ARHGAP44: variants seen among roughly 807,000 people sequenced by gnomAD.
ARHGAP44 encodes rho GTPase-activating protein 44.
ARHGAP44 carries 43 observed loss-of-function variants against 106.8 expected under a neutral mutation model. That is an observed-to-expected ratio of 0.40 (90% CI 0.32 to 0.52). The LOEUF (loss-of-function observed/expected upper bound fraction) is 0.52, where lower values mean the gene tolerates loss of function less well. Ranked by LOEUF, ARHGAP44 falls within the 20% of genes least tolerant of loss-of-function variation. The pLI is 0.48. For synonymous variants in ARHGAP44, 439 were observed against 410.3 expected, an observed-to-expected ratio of 1.07 and a Z score of -0.85; for missense variants, 866 against 1,050.5, an observed-to-expected ratio of 0.82 and a Z score of 2.43.
Position 12,974,080 on chromosome 17 carries a change from C to A in ARHGAP44, c.1542-9C>A. 1 of 1,557,690 alleles carries A rather than the reference C, an allele frequency of 6.4e-7. No individual in the cohort carries two copies. Among genetic ancestry groups the A allele is most frequent in the Admixed American group, 1.9e-5 (1 of 51,814 alleles). ...CGTGGGTAAGCGGTGTCTTTGTGTC[C>A]CTCGCCAGCATGGGTGTGAGGGTCA... On this transcript the variant is annotated splice_polypyrimidine_tract_variant and intron_variant, in intron 17 of 20. Transcript: ENST00000379672.
chr17:12,872,975 G>T (rs888374893), intron 1 of ARHGAP44, among the ~76,000 whole-genome samples: 4 of 152,110 alleles, frequency 2.6e-5, no homozygotes, highest in Admixed American at 1.3e-4. Flanking sequence ...CGACATTAGC[G>T]TAACCATGCC....
chr17:12,961,599 T>C (rs2039262209), intron 16 of ARHGAP44, among the ~76,000 whole-genome samples: 2 of 152,096 alleles, frequency 1.3e-5, no homozygotes, highest in Non-Finnish European at 2.9e-5. Context: ...CCCGGTATGA[T>C]GGCGCATGCC....
chr17:12,869,061 C>A (rs1256838637), intron 1 of ARHGAP44, among the ~76,000 whole-genome samples: 1 of 152,046 alleles, frequency 6.6e-6, no homozygotes, highest in Non-Finnish European at 1.5e-5. Context: ...AAAGTAAAGA[C>A]ATTTGAGGTT....
intron 1 of ARHGAP44, among the ~76,000 whole-genome samples, chr17:12,798,087 C>CT (rs1201383179): frequency 2.6e-5 from 4 of 152,144 alleles, no homozygotes; most frequent in South Asian, 2.1e-4. Flanking sequence ...TTTTTAAATA[C>CT]TTTTTTTAAA....
At chr17:12,968,447 T>C (rs2039444276) in intron 16 of ARHGAP44, among the ~76,000 whole-genome samples, 2 of 152,176 alleles carry the variant, frequency 1.3e-5, no homozygotes, top group Admixed American at 1.3e-4. Context: ...GTATTTTGTT[T>C]TCCAAAGAAC....
At chr17:12,816,312 A>G (rs1046336162) in intron 1 of ARHGAP44, among the ~76,000 whole-genome samples, 5 of 152,174 alleles carry the variant, frequency 3.3e-5, no homozygotes, top group East Asian at 1.9e-4. Flanking sequence ...GACCTTCTCC[A>G]GTTGAGAAGG....
intron 1 of ARHGAP44, among the ~76,000 whole-genome samples, chr17:12,799,084 G>C (rs2034010854): frequency 6.6e-6 from 1 of 152,118 alleles, no homozygotes; most frequent in Non-Finnish European, 1.5e-5. Flanking sequence ...CCCTACCCCG[G>C]TCAGTAATTA....
intron 1 of ARHGAP44, among the ~76,000 whole-genome samples, chr17:12,811,492 G>A (rs1407483723): frequency 1.3e-5 from 2 of 152,118 alleles, no homozygotes; most frequent in African/African-American, 4.8e-5. Context: ...GTGTGGAGGT[G>A]GAAGAGGAGG....
At chr17:12,966,573 C>T (rs1277654268) in intron 16 of ARHGAP44, among the ~76,000 whole-genome samples, 2 of 152,170 alleles carry the variant, frequency 1.3e-5, no homozygotes, top group African/African-American at 4.8e-5. Context: ...TTTTCACTCA[C>T]CTTTGCTGTC....
At chr17:12,955,117 C>T (rs1324060209) in intron 13 of ARHGAP44, among the ~76,000 whole-genome samples, 1 of 152,172 alleles carries the variant, frequency 6.6e-6, no homozygotes, top group Non-Finnish European at 1.5e-5. Flanking sequence ...TAATATGTGG[C>T]CTGTTGTGTC....
At chr17:12,807,431 G>T (rs532276344) in intron 1 of ARHGAP44, among the ~76,000 whole-genome samples, 9 of 152,160 alleles carry the variant, frequency 5.9e-5, no homozygotes, top group African/African-American at 2.2e-4. Context: ...ATTTATAAAG[G>T]AAAGAGATTT....
At chr17:12,966,932 C>G (rs1254823598) in intron 16 of ARHGAP44, among the ~76,000 whole-genome samples, 1 of 152,180 alleles carries the variant, frequency 6.6e-6, no homozygotes, top group African/African-American at 2.4e-5. Flanking sequence ...GAATGGTCCA[C>G]AGCAAAATTC....
At chr17:12,952,722 CTTTTTTTTTTTTTTTTT>C (rs201371135) in intron 13 of ARHGAP44, 141 bp downstream of exon 13, 437 of 306,998 alleles carry the variant, frequency 1.4e-3, no homozygotes, top group South Asian at 2.3e-3. Context: ...TGCATGGTCT[CTTTTTTTTTTTTTTTTT>C]TTTTTTTTTT....
In ARHGAP44 at chr17:12,990,577, T is replaced by C. The variant is rs189651794; in HGVS notation, c.*406T>C. ...TGCTACCTTTTCCTTGGACGGCTCA[T>C]GTCAGGTCTTGCAGGATCAGTTTAA... On this transcript the variant is annotated 3_prime_UTR_variant, in exon 21 of 21. Coordinates refer to ENST00000379672, the MANE Select transcript of ARHGAP44 (RefSeq NM_014859.6). 18 of 175,552 alleles carry C rather than the reference T, an allele frequency of 1.0e-4. No individual in the cohort carries two copies. Among genetic ancestry groups the C allele is most frequent in the Non-Finnish European group, 2.0e-4 (16 of 79,968 alleles). The allele number at this position is 175,552 out of a possible 1,614,324, so 10.9% of individuals were successfully genotyped here.
chr17:12,870,814 A>G (rs962574815), intron 1 of ARHGAP44, among the ~76,000 whole-genome samples: 4 of 152,106 alleles, frequency 2.6e-5, no homozygotes, highest in African/African-American at 7.2e-5. Context: ...TAAAATTGTT[A>G]TATTACCTTT....
intron 1 of ARHGAP44, among the ~76,000 whole-genome samples, chr17:12,870,384 G>A (rs2036375376): frequency 6.6e-6 from 1 of 152,050 alleles, no homozygotes. Flanking sequence ...TACATTTTTA[G>A]CCTTTTAATA....
chr17:12,847,510 CTCTT>C (rs2035602450), intron 1 of ARHGAP44, among the ~76,000 whole-genome samples: 1 of 133,602 alleles, frequency 7.5e-6, no homozygotes, highest in African/African-American at 3.3e-5. Context: ...GCTACCATCA[CTCTT>C]TTTTTTTTTT....
At position 12,916,495 on chromosome 17, in the gene ARHGAP44, T is replaced by C. The variant is rs1006749516; in HGVS notation, c.387+484T>C. On this transcript the variant is annotated intron_variant, in intron 5 of 20. Coordinates refer to ENST00000379672, the MANE Select transcript of ARHGAP44 (RefSeq NM_014859.6). ...GCCTCCCAGGTTCAAGTGATTCTCCTGTCTCAAGCCTCCCAAGTAGCTGGG... is the reference window on the plus strand; with the variant it reads ...GCCTCCCAGGTTCAAGTGATTCTCCCGTCTCAAGCCTCCCAAGTAGCTGGG... Among the ~76,000 whole-genome samples the C allele has an allele frequency of 3.9e-5, 6 of 152,166 alleles. No individual in the cohort carries two copies. The East Asian group carries it at 9.6e-4, about 24-fold the overall frequency.
At chr17:12,802,456 T>G (rs2034122392) in intron 1 of ARHGAP44, among the ~76,000 whole-genome samples, 2 of 152,154 alleles carry the variant, frequency 1.3e-5, no homozygotes, top group Non-Finnish European at 2.9e-5. Flanking sequence ...ACTCAGGTGA[T>G]TCACATATGA....
Sources: gnomAD v4.1 joint callset for allele counts (sites outside exome capture counted in the v4.1 genomes callset) on GRCh38, gnomAD v4.1.1 for gene constraint, MANE v1.5 for transcripts, NCBI Gene and HGNC (gene_info 2026-07-23, HGNC 2026-07-21) for gene names.